PACRG: variants seen among roughly 807,000 people sequenced by gnomAD.
The protein encoded by PACRG is parkin coregulated gene protein.
Under a neutral mutation model 29.7 loss-of-function variants are expected in PACRG, and 29 were observed. The ratio of observed to expected loss-of-function variants is 0.98; its 90% CI spans 0.73 to 1.33. The LOEUF (loss-of-function observed/expected upper bound fraction) is 1.33. Among genes scored for constraint, PACRG ranks in the 40% most tolerant of loss-of-function variants. The pLI, the probability that PACRG is intolerant of heterozygous loss-of-function variation, is 0.00. For synonymous variants in PACRG, 116 were observed against 118.7 expected, an observed-to-expected ratio of 0.98 and a Z score of 0.15; for missense variants, 279 against 316.2, an observed-to-expected ratio of 0.88 and a Z score of 0.89.
chr6:163,286,796 T>C (rs887758982), intron 4 of PACRG, among the ~76,000 whole-genome samples: 5 of 152,128 alleles, frequency 3.3e-5, no homozygotes, highest in African/African-American at 4.8e-5. Context: ...TATGTATATG[T>C]GGTATGTAAG....
At chr6:163,210,959 A>C (rs921340599) in intron 4 of PACRG, among the ~76,000 whole-genome samples, 3 of 152,188 alleles carry the variant, frequency 2.0e-5, no homozygotes, top group Non-Finnish European at 2.9e-5. Flanking sequence ...AGTGTCTTAA[A>C]ATGGAAAAAT....
chr6:162,873,245 G>A (rs943062695), intron 2 of PACRG, among the ~76,000 whole-genome samples: 3 of 151,964 alleles, frequency 2.0e-5, no homozygotes, highest in African/African-American at 7.3e-5. Context: ...ACTGGGGTAC[G>A]TTTCTGGCTT....
intron 4 of PACRG, among the ~76,000 whole-genome samples, chr6:163,122,286 T>TACACAC (rs57013650): frequency 1.6e-3 from 236 of 151,106 alleles, no homozygotes; most frequent in Non-Finnish European, 1.9e-3. Flanking sequence ...TTAACGCATT[T>TACACAC]ACACACACAC....
chr6:162,913,163 A>G (rs1385541595), intron 2 of PACRG, among the ~76,000 whole-genome samples: 2 of 152,194 alleles, frequency 1.3e-5, no homozygotes, highest in Non-Finnish European at 2.9e-5. Context: ...TTCAAGGTGT[A>G]CAATCTGCTA....
At chr6:162,947,209 G>A (rs951935625) in intron 2 of PACRG, among the ~76,000 whole-genome samples, 47 of 147,792 alleles carry the variant, frequency 3.2e-4, no homozygotes, top group African/African-American at 1.1e-3. Context: ...ATGTGTGTGG[G>A]TGTGTATGTA....
chr6:163,041,957 C>T (rs908560010), intron 2 of PACRG, among the ~76,000 whole-genome samples: 3 of 152,188 alleles, frequency 2.0e-5, no homozygotes, highest in African/African-American at 7.2e-5. Flanking sequence ...CTTCCGCCTC[C>T]CGGGTTCAAG....
intron 3 of PACRG, among the ~76,000 whole-genome samples, chr6:163,069,681 C>T (rs546784427): frequency 2.7e-4 from 41 of 151,840 alleles, no homozygotes; most frequent in Middle Eastern, 3.4e-3. Flanking sequence ...AGCCCCAAAG[C>T]GGAAAATCTA....
In PACRG at chr6:163,055,194, G is replaced by A. The variant is rs149048233; in HGVS notation, c.292-6956G>A. 7.7e-4 allele frequency among the ~76,000 whole-genome samples: 117 copies of A among 152,194 alleles called. No individual in the cohort carries two copies. The highest frequency in any genetic ancestry group is 1.3e-3 in the Non-Finnish European group (87 of 67,998). On this transcript the variant is annotated intron_variant, in intron 2 of 4. Coordinates refer to ENST00000366888, the MANE Select transcript of PACRG (RefSeq NM_001080379.2). This position sits in a 1 kb window ranked among gnomAD's most constrained non-coding sequence, Gnocchi z 4.0. ...ATGAAGAATAATGTGGAAATGGAGC[G>A]GGGACCGGGGACAGTGTGGAAATGG...
At chr6:162,951,382 A>G (rs887212762) in intron 2 of PACRG, among the ~76,000 whole-genome samples, 3 of 152,236 alleles carry the variant, frequency 2.0e-5, no homozygotes, top group African/African-American at 4.8e-5. Context: ...CTGAGCCCAG[A>G]TTGACACAGG....
intron 2 of PACRG, among the ~76,000 whole-genome samples, chr6:163,017,755 TAG>T (rs1449495864): frequency 3.3e-5 from 5 of 152,206 alleles, no homozygotes; most frequent in Non-Finnish European, 7.4e-5. Context: ...ATATGTAATT[TAG>T]AGAGTTACTA....
rs976380474 is a variant in PACRG, at chr6:162,853,642, G to A, written c.291+39361G>A. On this transcript the variant is annotated intron_variant, in intron 2 of 4. Transcript: ENST00000366888. The surrounding 1 kb of genome is among the most constrained non-coding windows in gnomAD (Gnocchi z 4.7). ...GATAAGAACTTATGATCACAAAGGC[G>A]GAAACAACACACACTGAACTTAGCA... Among the ~76,000 whole-genome samples, 2 of 152,148 alleles carry A rather than the reference G, an allele frequency of 1.3e-5. No homozygotes were observed. The highest frequency in any genetic ancestry group is 2.4e-5 in the African/African-American group (1 of 41,428).
At chr6:162,916,347 AT>A (rs1348109679) in intron 2 of PACRG, among the ~76,000 whole-genome samples, 2 of 152,104 alleles carry the variant, frequency 1.3e-5, no homozygotes, top group African/African-American at 4.8e-5. Flanking sequence ...CAGTTGGACT[AT>A]GATGTGTTTG....
chr6:163,220,192 A>T lies in PACRG; in HGVS notation c.614-94635A>T, dbSNP rs1164105525. On this transcript the variant is annotated intron_variant, in intron 4 of 4. Coordinates refer to ENST00000366888, the MANE Select transcript of PACRG (RefSeq NM_001080379.2). Reference sequence around the variant, plus strand: ...GACTTCTGTGTCTTCTGCGACAGATAGAGTCAGGACAGAGGGCGGGGGTGG... The same window carrying T: ...GACTTCTGTGTCTTCTGCGACAGATTGAGTCAGGACAGAGGGCGGGGGTGG... 4.6e-5 allele frequency among the ~76,000 whole-genome samples: 7 copies of T among 151,904 alleles called. No homozygotes were observed. In the East Asian group the frequency reaches 1.4e-3, roughly 29 times the overall value.
chr6:163,107,621 G>T (rs920852122), intron 4 of PACRG, among the ~76,000 whole-genome samples: 2 of 152,168 alleles, frequency 1.3e-5, no homozygotes, highest in Admixed American at 6.5e-5. Context: ...TCATTTGGCT[G>T]TCTGGACCGG....
At chr6:162,855,103 C>T (rs1791268547) in intron 2 of PACRG, among the ~76,000 whole-genome samples, 1 of 152,236 alleles carries the variant, frequency 6.6e-6, no homozygotes, top group East Asian at 1.9e-4. Flanking sequence ...CACTCCCAGC[C>T]CTGCTGTTAA....
At chr6:162,909,941 A>G (rs1403561135) in intron 2 of PACRG, among the ~76,000 whole-genome samples, 1 of 152,184 alleles carries the variant, frequency 6.6e-6, no homozygotes, top group Non-Finnish European at 1.5e-5. Context: ...CTCTCTGCAA[A>G]CACGTATATG....
chr6:163,309,369 T>C (rs1028107963), intron 4 of PACRG, among the ~76,000 whole-genome samples: 9 of 152,232 alleles, frequency 5.9e-5, no homozygotes, highest in Admixed American at 4.6e-4. Flanking sequence ...AGTCAATGTC[T>C]CATGCTCTCT....
chr6:163,009,181 CTAAGCCATTGACT>C (rs1805396173), intron 2 of PACRG, among the ~76,000 whole-genome samples: 1 of 152,174 alleles, frequency 6.6e-6, no homozygotes, highest in Admixed American at 6.5e-5. Flanking sequence ...CTGGCAAAAT[CTAAGCCATTGACT>C]TAATTCTTTA....
At chr6:163,118,215 G>T (rs1334019414) in intron 4 of PACRG, among the ~76,000 whole-genome samples, 1 of 152,222 alleles carries the variant, frequency 6.6e-6, no homozygotes. Context: ...CCCATTAGGG[G>T]TGACGTCTGG....
Sources: gnomAD v4.1 joint callset for allele counts (sites outside exome capture counted in the v4.1 genomes callset) on GRCh38, gnomAD v4.1.1 for gene constraint, Gnocchi (gnomAD v3.1) non-coding constraint, MANE v1.5 for transcripts, NCBI Gene and HGNC (gene_info 2026-07-23, HGNC 2026-07-21) for gene names.